TMEM178B: variants seen among roughly 807,000 people sequenced by gnomAD.
TMEM178B encodes the protein transmembrane protein 178B.
A neutral mutation model predicts 31.0 loss-of-function variants in TMEM178B; 5 were observed. The ratio of observed to expected loss-of-function variants is 0.16; its 90% CI spans 0.08 to 0.34. The LOEUF is 0.34. Ranked by LOEUF, TMEM178B falls within the 10% of genes least tolerant of loss-of-function variation. The probability of loss-of-function intolerance (pLI) is 1.00; values close to 1 mark genes in which losing one functional copy is unlikely to be tolerated. For synonymous variants in TMEM178B, 164 were observed against 164.0 expected, an observed-to-expected ratio of 1.00 and a Z score of 0.00; for missense variants, 275 against 400.3, an observed-to-expected ratio of 0.69 and a Z score of 2.67.
chr7:141,383,384 A>G (rs1296781066), intron 2 of TMEM178B, among the ~76,000 whole-genome samples: 2 of 118,402 alleles, frequency 1.7e-5, no homozygotes, highest in African/African-American at 6.4e-5. Context: ...CCACCCCACA[A>G]CAGGCCCCGG....
intron 2 of TMEM178B, among the ~76,000 whole-genome samples, chr7:141,376,488 A>C (rs1172295334): frequency 6.6e-6 from 1 of 152,230 alleles, no homozygotes; most frequent in Admixed American, 6.5e-5. Context: ...GCCTGATGTT[A>C]TATGTCTTTG....
chr7:141,245,935 ACCG>A (rs148133745), intron 2 of TMEM178B, among the ~76,000 whole-genome samples: 1 of 152,306 alleles, frequency 6.6e-6, no homozygotes, highest in African/African-American at 2.4e-5. Context: ...CTCTGGAACC[ACCG>A]TCAGACTGGA....
rs1801219971 is a variant in TMEM178B, at chr7:141,422,035, A to T, written c.497-15573A>T. Among the ~76,000 whole-genome samples, 1 of 152,218 alleles carries T rather than the reference A, an allele frequency of 6.6e-6. No individual in the cohort carries two copies. The highest frequency in any genetic ancestry group is 1.5e-5 in the Non-Finnish European group (1 of 68,044). ...AGTCTTATATTAATATTTAGTTTAC[A>T]TCTTCTCCCTTTCCCAGCTCGGGCT... On this transcript the variant is annotated intron_variant, in intron 2 of 3. Transcript: ENST00000565468. This position sits in a 1 kb window ranked among gnomAD's most constrained non-coding sequence, Gnocchi z 4.2.
At chr7:141,502,748 C>A in the TMEM178B span, among the ~76,000 whole-genome samples, 2 of 145,268 alleles carry the variant, frequency 1.4e-5, no homozygotes, top group African/African-American at 5.4e-5. Context: ...CCAGCCTGGG[C>A]AACAAGAGCG....
chr7:141,143,470 A>C (rs759214516), intron 1 of TMEM178B, among the ~76,000 whole-genome samples: 7 of 152,194 alleles, frequency 4.6e-5, no homozygotes, highest in African/African-American at 7.2e-5. Context: ...TTATTGAACC[A>C]GGAGTCCTTT....
chr7:141,242,678 T>C (rs971725596), intron 2 of TMEM178B, among the ~76,000 whole-genome samples: 3 of 151,892 alleles, frequency 2.0e-5, no homozygotes, highest in Non-Finnish European at 1.5e-5. Context: ...GCAGCTGGGA[T>C]TACAGGTGCT....
intron 2 of TMEM178B, among the ~76,000 whole-genome samples, chr7:141,399,713 C>A (rs904001586): frequency 2.6e-5 from 4 of 152,180 alleles, no homozygotes; most frequent in Non-Finnish European, 4.4e-5. Context: ...TCGTTGTTTG[C>A]ACCTTAAACT....
At chr7:141,098,913 T>G (rs1795008062) in intron 1 of TMEM178B, among the ~76,000 whole-genome samples, 1 of 152,244 alleles carries the variant, frequency 6.6e-6, no homozygotes, top group African/African-American at 2.4e-5. Context: ...AAGTTTACCC[T>G]TTTAATAATC....
chr7:141,179,925 C>T (rs1180655756), intron 1 of TMEM178B, among the ~76,000 whole-genome samples: 1 of 152,212 alleles, frequency 6.6e-6, no homozygotes, highest in African/African-American at 2.4e-5. Context: ...TTGTCCAAAG[C>T]TCCAACTGTC....
chr7:141,350,205 T>C (rs537048275), intron 2 of TMEM178B, among the ~76,000 whole-genome samples: 1 of 152,296 alleles, frequency 6.6e-6, no homozygotes, highest in East Asian at 1.9e-4. Flanking sequence ...TGTCTTCTAG[T>C]GTCCTTTCAT....
intron 1 of TMEM178B, among the ~76,000 whole-genome samples, chr7:141,129,906 GT>G (rs930447140): frequency 6.6e-6 from 1 of 152,164 alleles, no homozygotes; most frequent in African/African-American, 2.4e-5. Flanking sequence ...AATTTGTTGA[GT>G]TTTTCTAAAG....
chr7:141,430,598 C>T (rs546712490), intron 2 of TMEM178B, among the ~76,000 whole-genome samples: 1 of 152,140 alleles, frequency 6.6e-6, no homozygotes, highest in African/African-American at 2.4e-5. Flanking sequence ...TTCTCCTGTT[C>T]CTGCCAGTTG....
the TMEM178B span, among the ~76,000 whole-genome samples, chr7:141,501,237 C>A: frequency 4.0e-5 from 6 of 151,690 alleles, no homozygotes; most frequent in African/African-American, 1.5e-4. Flanking sequence ...CGGCGGTGCC[C>A]TTCCATGCTG....
At chr7:141,115,673 G>A (rs1254869624) in intron 1 of TMEM178B, among the ~76,000 whole-genome samples, 6 of 152,150 alleles carry the variant, frequency 3.9e-5, no homozygotes, top group East Asian at 1.9e-4. Context: ...TGGCTCAGTC[G>A]ACTGAAAACT....
intron 2 of TMEM178B, among the ~76,000 whole-genome samples, chr7:141,286,601 G>A (rs1170994234): frequency 1.3e-5 from 2 of 152,146 alleles, no homozygotes; most frequent in African/African-American, 4.8e-5. Flanking sequence ...GTCCATGCGA[G>A]CCTGTCCAAC....
chr7:141,367,098 G>T (rs1354570620), intron 2 of TMEM178B, among the ~76,000 whole-genome samples: 1 of 147,816 alleles, frequency 6.8e-6, no homozygotes, highest in African/African-American at 2.5e-5. Flanking sequence ...GGGAGGGGTG[G>T]GGGGGGCAGG....
Position 141,374,400 on chromosome 7 carries a change from G to A in TMEM178B, c.497-63208G>A, listed in dbSNP as rs773241243. 5.3e-5 allele frequency among the ~76,000 whole-genome samples: 8 copies of A among 152,004 alleles called. No homozygotes were observed. The East Asian group carries it at 9.6e-4, about 18-fold the overall frequency. On this transcript the variant is annotated intron_variant, in intron 2 of 3. Coordinates refer to ENST00000565468, the MANE Select transcript of TMEM178B (RefSeq NM_001195278.2). ...CATGCACACACACACACACAGATAC[G>A]CAGCATAGACAACACTCACACTCTT...
chr7:141,187,308 A>G (rs544477080), intron 1 of TMEM178B, among the ~76,000 whole-genome samples: 72 of 151,964 alleles, frequency 4.7e-4, no homozygotes, highest in African/African-American at 1.7e-3. Context: ...TCCATGGTGT[A>G]TATGTGCCAC....
At chr7:141,159,007 A>G (rs1472184604) in intron 1 of TMEM178B, among the ~76,000 whole-genome samples, 1 of 152,100 alleles carries the variant, frequency 6.6e-6, no homozygotes, top group Non-Finnish European at 1.5e-5. Flanking sequence ...TTTGTGAACT[A>G]TTTAAAGATA....
Sources: allele counts gnomAD v4.1 joint callset (sites outside exome capture counted in the v4.1 genomes callset), GRCh38; gene constraint gnomAD v4.1.1; non-coding constraint Gnocchi (gnomAD v3.1); transcripts MANE v1.5; gene names NCBI Gene and HGNC (gene_info 2026-07-23, HGNC 2026-07-21).